Variants in LPCAT1 observed in about 807,000 individuals in gnomAD.
LPCAT1 encodes lysophosphatidylcholine acyltransferase 1.
Under a neutral mutation model 60.9 loss-of-function variants are expected in LPCAT1, and 23 were observed. The observed-to-expected ratio is 0.38, with a 90% CI of 0.27 to 0.53. The LOEUF (loss-of-function observed/expected upper bound fraction) is 0.53, where lower values mean the gene tolerates loss of function less well. Among genes scored for constraint, LPCAT1 ranks in the 20% least tolerant of loss-of-function variants. LPCAT1 has a pLI of 0.82. For missense variants in LPCAT1, 622 were observed against 723.6 expected, an observed-to-expected ratio of 0.86 and a Z score of 1.61; for synonymous variants, 340 against 301.1, an observed-to-expected ratio of 1.13 and a Z score of -1.34.
intron 5 of LPCAT1, among the ~76,000 whole-genome samples, chr5:1,485,901 G>A (rs1350261700): frequency 1.3e-5 from 2 of 152,240 alleles, no homozygotes; most frequent in African/African-American, 2.4e-5. Context: ...ACTTCCAACA[G>A]CCACATTTGG....
Position 1,522,059 on chromosome 5 carries a change from T to G in LPCAT1, c.135+1651A>C. 6.7e-6 allele frequency among the ~76,000 whole-genome samples: 1 copy of G among 148,630 alleles called. No individual in the cohort carries two copies. The highest frequency in any genetic ancestry group is 1.5e-5 in the Non-Finnish European group (1 of 67,028). On this transcript the variant is annotated intron_variant, in intron 1 of 13. Transcript: ENST00000283415. The surrounding 1 kb of genome is among the most constrained non-coding windows in gnomAD (Gnocchi z 6.8). ...TTCCCCCCAGGGAGCCAGGAGGGAG[T>G]AGGAAAGGCAGGAAGAGAGAGCATG...
Position 1,483,984 on chromosome 5 carries a change from G to T in LPCAT1, c.668-498C>A, listed in dbSNP as rs556560766. ...TGGGAAGTGGGGGTCCTCATCACCG[G>T]CCAATGCTCACCCACCTGACGGGGT... On this transcript the variant is annotated intron_variant, in intron 5 of 13. Transcript: ENST00000283415. The surrounding 1 kb of genome is among the most constrained non-coding windows in gnomAD (Gnocchi z 9.2). Among the ~76,000 whole-genome samples, 3 of 152,372 alleles carry T rather than the reference G, an allele frequency of 2.0e-5. No individual in the cohort carries two copies. In the East Asian group the frequency reaches 5.8e-4, roughly 29 times the overall value.
intron 11 of LPCAT1, among the ~76,000 whole-genome samples, chr5:1,471,622 G>A (rs1734672120): frequency 6.6e-6 from 1 of 151,328 alleles, no homozygotes; most frequent in Admixed American, 6.6e-5. Flanking sequence ...GACAGCAGGA[G>A]ATGAAGGGCA....
At chr5:1,498,618 G>A (rs539644390) in intron 2 of LPCAT1, among the ~76,000 whole-genome samples, 7 of 151,808 alleles carry the variant, frequency 4.6e-5, no homozygotes, top group East Asian at 1.9e-4. Context: ...CTGTACACAC[G>A]TACACTTGCA....
intron 1 of LPCAT1, among the ~76,000 whole-genome samples, chr5:1,506,859 C>G (rs12521223): frequency 0.051 from 7,836 of 152,278 alleles, 277 homozygotes; most frequent in South Asian, 0.12. Flanking sequence ...CCTGCAGCCA[C>G]AGGGACACCT....
chr5:1,482,858 C>T (rs1261886820), intron 6 of LPCAT1, among the ~76,000 whole-genome samples: 1 of 152,132 alleles, frequency 6.6e-6, no homozygotes, highest in Non-Finnish European at 1.5e-5. Flanking sequence ...GGGTCTACCA[C>T]CTTCGCCCCA....
intron 12 of LPCAT1, 57 bp downstream of exon 12, chr5:1,470,769 C>T (rs375324064): frequency 1.5e-6 from 2 of 1,319,642 alleles, no homozygotes; most frequent in African/African-American, 1.5e-5. Context: ...AACAATGGTG[C>T]TGACGTGACT....
chr5:1,509,356 G>A (rs1736284813), intron 1 of LPCAT1, among the ~76,000 whole-genome samples: 1 of 152,266 alleles, frequency 6.6e-6, no homozygotes. Flanking sequence ...ATATGCGACA[G>A]TGCGCTTGCA....
chr5:1,465,698 GCACA>G (rs550627850), intron 13 of LPCAT1, among the ~76,000 whole-genome samples: 8 of 151,976 alleles, frequency 5.3e-5, no homozygotes, highest in African/African-American at 1.2e-4. Context: ...GCACATGCAC[GCACA>G]CACACAACAC....
At chr5:1,503,004 T>C (rs1736072721) in intron 1 of LPCAT1, among the ~76,000 whole-genome samples, 1 of 152,206 alleles carries the variant, frequency 6.6e-6, no homozygotes, top group South Asian at 2.1e-4. Flanking sequence ...ACTGGCTAGT[T>C]TGCATTTTCT....
At position 1,474,543 on chromosome 5, in the gene LPCAT1, A is replaced by T; in HGVS notation, c.1025+17T>A. 1 of 1,613,266 alleles carries T rather than the reference A, an allele frequency of 6.2e-7. No homozygotes were observed. The highest frequency in any genetic ancestry group is 8.5e-7 in the Non-Finnish European group (1 of 1,179,584). ...GGGTTCTAGCTAATGCTCAAGGAAG[A>T]AGAACCAGGTACTCACCCGAGGCCC... On this transcript the variant is annotated intron_variant, in intron 10 of 13. Transcript: ENST00000283415.
intron 1 of LPCAT1, among the ~76,000 whole-genome samples, chr5:1,505,291 T>C (rs542833208): frequency 2.0e-5 from 3 of 150,334 alleles, no homozygotes; most frequent in East Asian, 3.9e-4. Context: ...CAGCACCGAC[T>C]GCAACACTGC....
rs1016594761 is a variant in LPCAT1 at position 1,523,675 on chromosome 5, G to A, written c.135+35C>T. The A allele has an allele frequency of 9.3e-6, 10 of 1,072,092 alleles. No homozygotes were observed. Among genetic ancestry groups the A allele is most frequent in the African/African-American group, 1.7e-5 (1 of 58,534 alleles). The allele number at this position is 1,072,092 out of a possible 1,614,324, so 66.4% of individuals were successfully genotyped here. On this transcript the variant is annotated intron_variant, in intron 1 of 13. Transcript: ENST00000283415. The surrounding 1 kb of genome is among the most constrained non-coding windows in gnomAD (Gnocchi z 7.1). ...TGGCCCCAGCATCCCTGGCGTCCGC[G>A]CCGGCTCCCGGGGCCGCGCGCCCTG... is the stretch of plus-strand genomic sequence containing the variant.
At chr5:1,514,733 G>A (rs992439845) in intron 1 of LPCAT1, among the ~76,000 whole-genome samples, 24 of 152,300 alleles carry the variant, frequency 1.6e-4, no homozygotes, top group East Asian at 1.9e-4. Flanking sequence ...ATCGTGGGGG[G>A]CTCAGGAGAA....
chr5:1,471,559 C>G (rs1299114970), intron 11 of LPCAT1, among the ~76,000 whole-genome samples: 2 of 152,190 alleles, frequency 1.3e-5, no homozygotes, highest in Admixed American at 1.3e-4. Flanking sequence ...CCTCCCAGGT[C>G]AGGGCGGGAG....
intron 8 of LPCAT1, among the ~76,000 whole-genome samples, chr5:1,479,211 CA>C (rs1735034746): frequency 6.6e-6 from 1 of 152,118 alleles, no homozygotes; most frequent in African/African-American, 2.4e-5. Context: ...GCCTAGGCAA[CA>C]AAGTGAGACC....
In LPCAT1 at chr5:1,496,620, A is replaced by G. The variant is rs1402868158; in HGVS notation, c.279-1706T>C. Among the ~76,000 whole-genome samples the G allele has an allele frequency of 1.3e-5, 2 of 152,112 alleles. No homozygotes were observed. Among genetic ancestry groups the G allele is most frequent in the East Asian group, 3.8e-4 (2 of 5,204 alleles). On this transcript the variant is annotated intron_variant, in intron 2 of 13. Coordinates refer to ENST00000283415, the MANE Select transcript of LPCAT1 (RefSeq NM_024830.5). This position sits in a 1 kb window ranked among gnomAD's most constrained non-coding sequence, Gnocchi z 4.7. ...TAAAACCCGGGCGGCCCTTAGAGGA[A>G]CACACCTGCCAGCCCCGAAATCGAA...
chr5:1,474,739 C>T, intron 9 of LPCAT1, 54 bp from the exon 10 acceptor site: 1 of 1,567,212 alleles, frequency 6.4e-7, no homozygotes, highest in Non-Finnish European at 8.7e-7. Flanking sequence ...CCAGTTCCCA[C>T]CGCCCCACCA....
chr5:1,516,490 C>CG (rs1736509394), intron 1 of LPCAT1, among the ~76,000 whole-genome samples: 2 of 152,228 alleles, frequency 1.3e-5, no homozygotes, highest in Admixed American at 1.3e-4. Flanking sequence ...CCCAGCCCGG[C>CG]GGCATCCCCA....
Sources: allele counts gnomAD v4.1 joint callset (sites outside exome capture counted in the v4.1 genomes callset), GRCh38; gene constraint gnomAD v4.1.1; non-coding constraint Gnocchi (gnomAD v3.1); transcripts MANE v1.5; gene names NCBI Gene and HGNC (gene_info 2026-07-23, HGNC 2026-07-21).